The following CASD1 variants were observed in gnomAD, a reference collection of about 807,000 sequenced individuals.
CASD1 encodes N-acetylneuraminate (7)9-O-acetyltransferase.
A neutral mutation model predicts 100.0 loss-of-function variants in CASD1; 41 were observed. The observed-to-expected ratio is 0.41, with a 90% CI of 0.32 to 0.53. CASD1 has a LOEUF of 0.53. CASD1 is among the 20% of genes least tolerant of loss of function. The pLI, the probability that CASD1 is intolerant of heterozygous loss-of-function variation, is 0.25. For missense variants in CASD1, 774 were observed against 948.7 expected (o/e 0.82, Z 2.42); for synonymous variants, 321 against 315.6 (o/e 1.02, Z -0.18).
At chr7:94,519,921 T>G (rs144820819) in intron 3 of CASD1, among the ~76,000 whole-genome samples, 71 of 152,304 alleles carry the variant, frequency 4.7e-4, no homozygotes, top group African/African-American at 1.6e-3. Context: ...TGACAATAGG[T>G]AGTTGAAAAA....
chr7:94,536,395 G>A (rs1013683954), intron 8 of CASD1, among the ~76,000 whole-genome samples: 1 of 152,122 alleles, frequency 6.6e-6, no homozygotes, highest in African/African-American at 2.4e-5. Context: ...CACAAACAGT[G>A]GAACAAATTA....
At chr7:94,617,309 G>A in the CASD1 span, 11 of 152,168 alleles carry the variant, frequency 7.2e-5, no homozygotes, top group African/African-American at 1.9e-4. Flanking sequence ...AAAGTACCTC[G>A]ACGGGTGGGA....
At chr7:94,529,338 A>C (rs770220971) in intron 5 of CASD1, among the ~76,000 whole-genome samples, 1 of 152,186 alleles carries the variant, frequency 6.6e-6, no homozygotes, top group Non-Finnish European at 1.5e-5. Context: ...TTTATAGGCT[A>C]TTTACTAACC....
At chr7:94,611,866 C>T in the CASD1 span, among the ~76,000 whole-genome samples, 1 of 151,994 alleles carries the variant, frequency 6.6e-6, no homozygotes, top group Non-Finnish European at 1.5e-5. Context: ...TTTTAAAAAA[C>T]CTATTGTACC....
At chr7:94,605,935 TCTC>T in the CASD1 span, among the ~76,000 whole-genome samples, 2 of 152,018 alleles carry the variant, frequency 1.3e-5, no homozygotes, top group East Asian at 3.9e-4. Flanking sequence ...TTCAAGCAAT[TCTC>T]CTGCCTCAGC....
the CASD1 span, chr7:94,603,597 A>G: frequency 1.4e-6 from 1 of 722,020 alleles, no homozygotes; most frequent in Non-Finnish European, 2.4e-6. Flanking sequence ...CTCTAAAAAC[A>G]ATGATTCATG....
intron 16 of CASD1, chr7:94,553,080 T>A: frequency 2.5e-6 from 1 of 398,748 alleles, no homozygotes; most frequent in South Asian, 2.1e-5. Flanking sequence ...ATACTTTAAT[T>A]ATAATAACTC....
the CASD1 span, among the ~76,000 whole-genome samples, chr7:94,604,107 G>C: frequency 3.9e-5 from 6 of 152,036 alleles, no homozygotes; most frequent in Non-Finnish European, 5.9e-5. Flanking sequence ...TGGTTTGGGG[G>C]AATTATGGGG....
Position 94,545,797 on chromosome 7 carries a change from G to C in CASD1, c.1633+96G>C. 4.3e-6 allele frequency: 3 copies of C among 701,836 alleles called. No homozygotes were observed. The South Asian group carries it at 8.5e-5, about 20-fold the overall frequency. 43.5% of individuals were successfully genotyped at this position (701,836 alleles called of 1,614,324 possible). On this transcript the variant is annotated intron_variant, in intron 12 of 17. Transcript: ENST00000297273. Reference sequence around the variant, plus strand: ...AATGATATTATTTTTATTAAGTGATGTAGACAGTTTAAATTTATATGTAGT... The same window carrying C: ...AATGATATTATTTTTATTAAGTGATCTAGACAGTTTAAATTTATATGTAGT...
the CASD1 span, among the ~76,000 whole-genome samples, chr7:94,602,357 G>A: frequency 6.6e-6 from 1 of 152,102 alleles, no homozygotes; most frequent in South Asian, 2.1e-4. Context: ...AAGGCAAAAG[G>A]CCACAAGGAG....
chr7:94,562,958 G>A, the CASD1 span, among the ~76,000 whole-genome samples: 1 of 152,036 alleles, frequency 6.6e-6, no homozygotes, highest in African/African-American at 2.4e-5. Flanking sequence ...TTACAGCTTA[G>A]TTTTCCTGGC....
chr7:94,604,583 T>A, the CASD1 span, among the ~76,000 whole-genome samples: 1 of 150,414 alleles, frequency 6.6e-6, no homozygotes, highest in South Asian at 2.1e-4. Context: ...AAATAAACTC[T>A]CACATTTAAT....
At chr7:94,546,002 T>C (rs1795659124) in intron 12 of CASD1, among the ~76,000 whole-genome samples, 1 of 152,022 alleles carries the variant, frequency 6.6e-6, no homozygotes, top group Non-Finnish European at 1.5e-5. Context: ...AACTGTCTTC[T>C]TATACAGAGG....
intron 3 of CASD1, among the ~76,000 whole-genome samples, chr7:94,521,298 G>GA (rs1794254341): frequency 6.6e-6 from 1 of 151,960 alleles, no homozygotes; most frequent in Non-Finnish European, 1.5e-5. Context: ...GAAATGTTCA[G>GA]AAAAAAATTA....
chr7:94,564,827 A>C, the CASD1 span, among the ~76,000 whole-genome samples: 2 of 152,150 alleles, frequency 1.3e-5, no homozygotes, highest in Non-Finnish European at 2.9e-5. Context: ...GTAAATCTCT[A>C]TGAGGGAAGA....
In CASD1 at chr7:94,545,596, C is replaced by T. The variant is rs1228214882; in HGVS notation, c.1528C>T (p.Arg510Ter). 2 of 1,608,198 alleles carry T rather than the reference C, an allele frequency of 1.2e-6. No homozygotes were observed. The highest frequency in any genetic ancestry group is 1.7e-6 in the Non-Finnish European group (2 of 1,175,240). The change falls in exon 12 of 18, where the codon CGA becomes TGA. Residue 510 changes from arginine to a stop codon, truncating the protein, a stop_gained. Coordinates refer to ENST00000297273, the MANE Select transcript of CASD1 (RefSeq NM_022900.5). LOFTEE classifies it high-confidence loss of function. ...AGTGGTGTTATGTATAGTAATGGAT[C>T]GACCTTATCAATTCTATTACTTTGT... ...LVVVLCIVMDRPYQFYYFVPL... is the reference protein window; with the variant it reads ...LVVVLCIVMD
the CASD1 span, among the ~76,000 whole-genome samples, chr7:94,630,139 C>A: frequency 6.6e-6 from 1 of 151,860 alleles, no homozygotes; most frequent in Non-Finnish European, 1.5e-5. Flanking sequence ...TCCATAATAT[C>A]TTTTTGGTAA....
At chr7:94,558,048 A>G (rs1584444918), downstream of CASD1, among the ~76,000 whole-genome samples, 1 of 152,174 alleles carries the variant, frequency 6.6e-6, no homozygotes, top group East Asian at 1.9e-4. Flanking sequence ...TGTAATAGAA[A>G]TCACAGTCAG....
rs1269149038 is a variant in CASD1 at position 94,518,288 on chromosome 7, ATAAT to A, written c.321_324del (p.Asn108ProfsTer36). 3 of 1,579,894 alleles carry A rather than the reference ATAAT, an allele frequency of 1.9e-6. No homozygotes were observed. The highest frequency in any genetic ancestry group is 2.6e-6 in the Non-Finnish European group (3 of 1,163,488). On this transcript the variant is annotated frameshift_variant, in exon 3 of 18. Coordinates refer to ENST00000297273, the MANE Select transcript of CASD1 (RefSeq NM_022900.5). LOFTEE classifies it high-confidence loss of function. ...TCAATTGTTTTATTCTTTTGTAAAA[ATAAT>A]TAATCCCCAATTCAAAGAAGAAGGA...
Sources: gnomAD v4.1 joint callset for allele counts (sites outside exome capture counted in the v4.1 genomes callset) on GRCh38, gnomAD v4.1.1 for gene constraint, MANE v1.5 for transcripts, NCBI Gene and HGNC (gene_info 2026-07-23, HGNC 2026-07-21) for gene names.